FOXN4: variants seen among roughly 807,000 people sequenced by gnomAD.
FOXN4 encodes the protein forkhead box N4.
Under a neutral mutation model 45.0 loss-of-function variants are expected in FOXN4, and 12 were observed. The ratio of observed to expected loss-of-function variants is 0.27; its 90% CI spans 0.17 to 0.43. The LOEUF is 0.43. Ranked by LOEUF, FOXN4 falls within the 20% of genes least tolerant of loss-of-function variation. The probability of loss-of-function intolerance (pLI) is 1.00; values close to 1 mark genes in which losing one functional copy is unlikely to be tolerated. For missense variants in FOXN4, 560 were observed against 694.9 expected, an observed-to-expected ratio of 0.81 and a Z score of 2.18; for synonymous variants, 297 against 295.0, an observed-to-expected ratio of 1.01 and a Z score of -0.07.
chr12:109,304,269 AAG>A (rs2047896708), intron 2 of FOXN4, among the ~76,000 whole-genome samples: 2 of 91,794 alleles, frequency 2.2e-5, no homozygotes, highest in Admixed American at 2.3e-4. Flanking sequence ...GAAAGAAAGA[AAG>A]AAAGAAAGAA....
chr12:109,304,527 C>T (rs962576355), intron 2 of FOXN4, among the ~76,000 whole-genome samples: 2 of 152,184 alleles, frequency 1.3e-5, no homozygotes, highest in African/African-American at 2.4e-5. Context: ...CAGGACCACC[C>T]CCAGTCCCCT....
Position 109,281,451 on chromosome 12 carries a change from TCA to T in FOXN4, c.1248_1249del (p.Glu417GlyfsTer24). 1 of 1,613,964 alleles carries T rather than the reference TCA, an allele frequency of 6.2e-7. No individual in the cohort carries two copies. Among genetic ancestry groups the T allele is most frequent in the Non-Finnish European group, 8.5e-7 (1 of 1,179,872 alleles). ...GATGCTCGGGTCGAGGGCATCCACC[TCA>T]GTGTTCATGTCGGTGCTGATGTTGA... On this transcript the variant is annotated frameshift_variant, in exon 9 of 10. Coordinates refer to ENST00000299162, the MANE Select transcript of FOXN4 (RefSeq NM_213596.3). LOFTEE classifies it high-confidence loss of function.
intron 8 of FOXN4, 118 bp from the exon 9 acceptor site, chr12:109,281,917 A>G (rs2047657163): frequency 1.7e-6 from 2 of 1,201,868 alleles, no homozygotes; most frequent in Non-Finnish European, 2.3e-6. Flanking sequence ...CCTCTTGGAC[A>G]CTCAGAACCT....
intron 2 of FOXN4, among the ~76,000 whole-genome samples, chr12:109,304,961 G>A (rs2047908478): frequency 6.6e-6 from 1 of 152,182 alleles, no homozygotes. Context: ...CAGCAAACCT[G>A]CAAATTGGGT....
At chr12:109,292,204 TC>T (rs1378163689) in intron 2 of FOXN4, among the ~76,000 whole-genome samples, 1 of 152,048 alleles carries the variant, frequency 6.6e-6, no homozygotes, top group Non-Finnish European at 1.5e-5. Context: ...CTGCTGTGAC[TC>T]CCCACTGCCC....
In FOXN4 at chr12:109,288,263, C is replaced by T. The variant is rs987880844; in HGVS notation, c.233-83G>A. ...GAACAGCCCAGTGCCCAGGTGTCTCCGGAGAACGGAGCCAGCCCCTTTCCT... is the reference window on the plus strand; with the variant it reads ...GAACAGCCCAGTGCCCAGGTGTCTCTGGAGAACGGAGCCAGCCCCTTTCCT... On this transcript the variant is annotated intron_variant, in intron 3 of 9. Coordinates refer to ENST00000299162, the MANE Select transcript of FOXN4 (RefSeq NM_213596.3). The surrounding 1 kb of genome is among the most constrained non-coding windows in gnomAD (Gnocchi z 4.3). The T allele has an allele frequency of 3.5e-5, 52 of 1,489,458 alleles. No homozygotes were observed. The highest frequency in any genetic ancestry group is 4.3e-5 in the African/African-American group (3 of 70,202). 92.3% of individuals were successfully genotyped at this position (1,489,458 alleles called of 1,614,324 possible).
chr12:109,301,949 T>C (rs1460576382), intron 2 of FOXN4, among the ~76,000 whole-genome samples: 4 of 152,064 alleles, frequency 2.6e-5, no homozygotes, highest in Non-Finnish European at 5.9e-5. Context: ...CCAGCTTAAA[T>C]ACACCTCCTC....
At chr12:109,298,367 GTTTTGT>G (rs1250670164) in intron 2 of FOXN4, among the ~76,000 whole-genome samples, 8 of 109,386 alleles carry the variant, frequency 7.3e-5, no homozygotes, top group Non-Finnish European at 1.4e-4. Context: ...GCTTTGTTTT[GTTTTGT>G]TTTTGTTTTT....
chr12:109,301,202 T>A (rs1187112830), intron 2 of FOXN4, among the ~76,000 whole-genome samples: 4 of 152,180 alleles, frequency 2.6e-5, no homozygotes, highest in Non-Finnish European at 5.9e-5. Flanking sequence ...GGGGAAGTCT[T>A]GGGAAGATAA....
rs2047653103 is a variant in FOXN4, at chr12:109,281,596, C to T, written c.1105G>A (p.Ala369Thr). 1 of 1,607,360 alleles carries T rather than the reference C, an allele frequency of 6.2e-7. No homozygotes were observed. The highest frequency in any genetic ancestry group is 8.5e-7 in the Non-Finnish European group (1 of 1,176,966). Residue 369 changes from alanine (A) to threonine (T), a missense_variant, in exon 9 of 10, where the codon GCA (alanine) becomes ACA (threonine). Coordinates refer to ENST00000299162, the MANE Select transcript of FOXN4 (RefSeq NM_213596.3). ...VPLHHQVQPQ[A>T]HLAPDSPAPA... ...GCTGGAGAGTCTGGAGCAAGATGTG[C>T]CTGGGGCTGGACCTGGTGGTGCAGG...
At chr12:109,300,481 A>C (rs2047859396) in intron 2 of FOXN4, among the ~76,000 whole-genome samples, 1 of 152,198 alleles carries the variant, frequency 6.6e-6, no homozygotes, top group Non-Finnish European at 1.5e-5. Context: ...TGTCTCAGCC[A>C]CATAGCATAT....
At chr12:109,280,816 G>T (rs924248364) in intron 9 of FOXN4, among the ~76,000 whole-genome samples, 1 of 152,174 alleles carries the variant, frequency 6.6e-6, no homozygotes, top group Non-Finnish European at 1.5e-5. Flanking sequence ...TCCCTTGTTC[G>T]TTCATTCATC....
chr12:109,304,277 AAGAAAGAAAGAAAGAAAGG>A (rs1566005649), intron 2 of FOXN4, among the ~76,000 whole-genome samples: 2 of 74,634 alleles, frequency 2.7e-5, no homozygotes, highest in African/African-American at 5.5e-5. Context: ...GAAAGAAAGA[AAGAAAGAAAGAAAGAAAGG>A]AGAAAGAAAG....
In FOXN4 at chr12:109,279,593, C is replaced by T; in HGVS notation, c.*78G>A. 1 of 1,531,008 alleles carries T rather than the reference C, an allele frequency of 6.5e-7. No homozygotes were observed. The highest frequency in any genetic ancestry group is 8.8e-7 in the Non-Finnish European group (1 of 1,134,438). The allele number at this position is 1,531,008 out of a possible 1,614,324, so 94.8% of individuals were successfully genotyped here. ...GCTTCGGGGACAATGAGGGACCTGC[C>T]TTCTGGGAACACCCTGTTCTAGTCA... On this transcript the variant is annotated 3_prime_UTR_variant, in exon 10 of 10. Coordinates refer to ENST00000299162, the MANE Select transcript of FOXN4 (RefSeq NM_213596.3).
In FOXN4 at chr12:109,279,502, G is replaced by C; in HGVS notation, c.*169C>G. 1 of 987,660 alleles carries C rather than the reference G, an allele frequency of 1.0e-6. No individual in the cohort carries two copies. The highest frequency in any genetic ancestry group is 1.7e-5 in the South Asian group (1 of 59,038). The allele number at this position is 987,660 out of a possible 1,614,324, so 61.2% of individuals were successfully genotyped here. A position where few individuals can be genotyped will look rare whatever the true frequency, so the allele number is the denominator to read the frequency against. ...AAGCTCCAGGGGGAGGCACGAGAAG[G>C]AGAGGGGCTGCTGAGGGGAACCGCT... On this transcript the variant is annotated 3_prime_UTR_variant, in exon 10 of 10. Transcript: ENST00000299162.
At chr12:109,306,263 TC>T (rs2047921137) in intron 2 of FOXN4, among the ~76,000 whole-genome samples, 1 of 152,164 alleles carries the variant, frequency 6.6e-6, no homozygotes, top group Admixed American at 6.5e-5. Flanking sequence ...TACTTAATCC[TC>T]CCAGCAACTG....
chr12:109,283,706 C>T (rs998692584), intron 8 of FOXN4, among the ~76,000 whole-genome samples: 1 of 152,188 alleles, frequency 6.6e-6, no homozygotes, highest in Non-Finnish European at 1.5e-5. Context: ...GAACTCCTGA[C>T]CTCAGGTGAT....
chr12:109,281,620 G>C lies in FOXN4; in HGVS notation c.1081C>G (p.Leu361Val), dbSNP rs1345520103. The C allele has an allele frequency of 6.2e-7, 1 of 1,610,136 alleles. No individual in the cohort carries two copies. The highest frequency in any genetic ancestry group is 1.1e-5 in the South Asian group (1 of 90,402). The stretch of plus-strand genomic sequence containing the variant: ...GCCTGGGGCTGGACCTGGTGGTGCA[G>C]GGGGACTGACTGCAGGGACAGGGTC... ...LMTLSLQSVP[L>V]HHQVQPQAHL... The change falls in exon 9 of 10, where the codon CTG becomes GTG. Residue 361 changes from leucine (L) to valine (V), a missense_variant. Transcript: ENST00000299162.
In FOXN4 at chr12:109,278,915, G is replaced by A. The variant is rs2047627736; in HGVS notation, c.*756C>T. On this transcript the variant is annotated 3_prime_UTR_variant, in exon 10 of 10. Transcript: ENST00000299162. ...TTCTCTGGCCTGTAGGAGTTAGGAT[G>A]GCTGGGAGGTAGGGAGGGAGAAGGA... 1 of 152,300 alleles carries A rather than the reference G, an allele frequency of 6.6e-6. No individual in the cohort carries two copies. Among genetic ancestry groups the A allele is most frequent in the Non-Finnish European group, 1.5e-5 (1 of 68,120 alleles). The allele number at this position is 152,300 out of a possible 1,614,324, so 9.4% of individuals were successfully genotyped here.
Sources: gnomAD v4.1 joint callset for allele counts (sites outside exome capture counted in the v4.1 genomes callset) on GRCh38, gnomAD v4.1.1 for gene constraint, Gnocchi (gnomAD v3.1) non-coding constraint, MANE v1.5 for transcripts, NCBI Gene and HGNC (gene_info 2026-07-23, HGNC 2026-07-21) for gene names.